ST7: variants seen among roughly 807,000 people sequenced by gnomAD.
ST7 encodes suppression of tumorigenicity 7.
ST7 carries 28 observed loss-of-function variants against 78.7 expected under a neutral mutation model. The observed-to-expected ratio is 0.36, with a 90% confidence interval of 0.26 to 0.49. ST7 has a LOEUF of 0.49. Ranked by LOEUF, ST7 falls within the 20% of genes least tolerant of loss-of-function variation. ST7 has a pLI of 0.99. For synonymous variants in ST7, 247 were observed against 249.6 expected, an observed-to-expected ratio of 0.99 and a Z score of 0.10; for missense variants, 418 against 696.0, an observed-to-expected ratio of 0.60 and a Z score of 4.49.
intron 9 of ST7, among the ~76,000 whole-genome samples, chr7:117,151,460 C>G (rs1806240745): frequency 6.6e-6 from 1 of 152,174 alleles, no homozygotes. Flanking sequence ...TTAGGCTGAG[C>G]TGGAATAGCA....
rs922926075 is a variant in ST7, at chr7:117,222,117, A to G, written c.1638+55A>G. On this transcript the variant is annotated intron_variant, in intron 15 of 15. Coordinates refer to ENST00000323984, the MANE Select transcript of ST7 (RefSeq NM_001369598.1). ...GGAATGGATGGGGAAAGCCAAGGGC[A>G]TAAAAGCAGCGTGAGAGAAATGGGG... 14 of 1,549,418 alleles carry G rather than the reference A, an allele frequency of 9.0e-6. No individual in the cohort carries two copies. In the African/African-American group the frequency reaches 1.8e-4, roughly 20 times the overall value.
rs1324814354 is a variant in ST7, at chr7:117,143,487, G to A, written c.963+4955G>A. 2.0e-5 allele frequency among the ~76,000 whole-genome samples: 3 copies of A among 152,136 alleles called. 1 individual carries two copies. Among genetic ancestry groups the A allele is most frequent in the Non-Finnish European group, 4.4e-5 (3 of 68,016 alleles). ...TTGAAGTGTCCCCTGGCCAGTCCTG[G>A]GTGGCTACATTCAATCTCAGAGTTT... On this transcript the variant is annotated intron_variant, in intron 9 of 15. Coordinates refer to ENST00000323984, the MANE Select transcript of ST7 (RefSeq NM_001369598.1).
intron 12 of ST7, among the ~76,000 whole-genome samples, chr7:117,207,232 C>T (rs1338629414): frequency 6.6e-6 from 1 of 151,880 alleles, no homozygotes; most frequent in Non-Finnish European, 1.5e-5. Context: ...GCAACCTCTG[C>T]CTCCCAAGTT....
chr7:117,134,499 C>A (rs773572828), intron 7 of ST7, among the ~76,000 whole-genome samples: 6 of 152,030 alleles, frequency 3.9e-5, no homozygotes, highest in Admixed American at 1.3e-4. Flanking sequence ...TGCCTCTCCT[C>A]CTAAGAATAC....
At chr7:117,148,703 A>G (rs1806005345) in intron 9 of ST7, among the ~76,000 whole-genome samples, 1 of 152,198 alleles carries the variant, frequency 6.6e-6, no homozygotes. Context: ...TCACTATGTC[A>G]ATATCTATAA....
At chr7:117,030,539 C>T (rs1478645498) in intron 1 of ST7, among the ~76,000 whole-genome samples, 6 of 152,122 alleles carry the variant, frequency 3.9e-5, no homozygotes, top group African/African-American at 1.4e-4. Context: ...CATGAACAGA[C>T]ACTTTTCAAA....
intron 12 of ST7, among the ~76,000 whole-genome samples, chr7:117,196,257 G>A (rs1025299732): frequency 6.6e-6 from 1 of 152,184 alleles, no homozygotes; most frequent in African/African-American, 2.4e-5. Context: ...TCAAGATCCT[G>A]CTTTCACTTC....
chr7:117,153,463 G>A (rs2117170647), intron 9 of ST7, among the ~76,000 whole-genome samples: 1 of 152,074 alleles, frequency 6.6e-6, no homozygotes, highest in East Asian at 1.9e-4. Flanking sequence ...AGAAGAGGAG[G>A]GAGAAGTGCA....
chr7:117,106,005 T>TTTTG (rs1801927258), intron 2 of ST7, among the ~76,000 whole-genome samples: 1 of 151,782 alleles, frequency 6.6e-6, no homozygotes, highest in African/African-American at 2.4e-5. Flanking sequence ...TTTGTTTTTT[T>TTTTG]TTTTGAGACG....
chr7:117,228,115 C>T (rs1235651480), intron 15 of ST7, among the ~76,000 whole-genome samples: 1 of 152,194 alleles, frequency 6.6e-6, no homozygotes, highest in Non-Finnish European at 1.5e-5. Flanking sequence ...GCTCCTATTT[C>T]TTCCTTTACC....
chr7:117,080,215 C>T (rs1799671102), intron 1 of ST7, among the ~76,000 whole-genome samples: 1 of 151,826 alleles, frequency 6.6e-6, no homozygotes. Flanking sequence ...CTCCTGACCT[C>T]GTGATCCGCT....
At chr7:116,993,325 C>T (rs145085089) in intron 1 of ST7, among the ~76,000 whole-genome samples, 177 of 152,200 alleles carry the variant, frequency 1.2e-3, no homozygotes, top group Non-Finnish European at 1.9e-3. Flanking sequence ...AGAATCATGG[C>T]AGGAGGCAAA....
chr7:116,998,866 G>GAGGT (rs1202928412), intron 1 of ST7, among the ~76,000 whole-genome samples: 2 of 152,230 alleles, frequency 1.3e-5, no homozygotes, highest in Non-Finnish European at 2.9e-5. Context: ...CTCTGTAAGG[G>GAGGT]AGGTGACTGA....
chr7:117,037,425 T>C (rs1326152705), intron 1 of ST7, among the ~76,000 whole-genome samples: 1 of 152,152 alleles, frequency 6.6e-6, no homozygotes, highest in Non-Finnish European at 1.5e-5. Flanking sequence ...TCCAAAAAGG[T>C]TGGCCATGGC....
chr7:117,134,792 G>A (rs1384206795), intron 7 of ST7, among the ~76,000 whole-genome samples: 2 of 152,034 alleles, frequency 1.3e-5, no homozygotes, highest in Non-Finnish European at 2.9e-5. Context: ...GCTGCCATCT[G>A]TAGAAATTGG....
At chr7:116,981,497 A>G (rs114039931) in intron 1 of ST7, among the ~76,000 whole-genome samples, 104 of 152,330 alleles carry the variant, frequency 6.8e-4, no homozygotes, top group African/African-American at 2.4e-3. Context: ...CCTATCAGGT[A>G]GCAAATGATT....
chr7:117,093,640 G>C (rs749925171), intron 1 of ST7, among the ~76,000 whole-genome samples: 10 of 152,144 alleles, frequency 6.6e-5, no homozygotes, highest in Non-Finnish European at 1.5e-5. Flanking sequence ...GGCGGAGGTT[G>C]CAGTCAGCCA....
rs112040668 is a variant in ST7 at position 117,101,541 on chromosome 7, A to G, written c.234+1697A>G. On this transcript the variant is annotated intron_variant, in intron 2 of 15. Coordinates refer to ENST00000323984, the MANE Select transcript of ST7 (RefSeq NM_001369598.1). ...AACTTAGGAGCAACCAACCAACTTC[A>G]TTATATTCCTTGGTTCTCCACATAT... Among the ~76,000 whole-genome samples the G allele has an allele frequency of 2.8e-3, 422 of 152,324 alleles. 1 individual carries two copies. The highest frequency in any genetic ancestry group is 9.4e-3 in the African/African-American group (389 of 41,592).
At position 117,064,171 on chromosome 7, in the gene ST7, C is replaced by A. The variant is rs116722781; in HGVS notation, c.152-35591C>A. ...AAGATAAACATTAAAATTTATGGGACAATATACATGGGAAAAGTTTTTTTT... is the reference window on the plus strand; with the variant it reads ...AAGATAAACATTAAAATTTATGGGAAAATATACATGGGAAAAGTTTTTTTT... On this transcript the variant is annotated intron_variant, in intron 1 of 15. Transcript: ENST00000323984. Among the ~76,000 whole-genome samples, 1,464 of 149,948 alleles carry A rather than the reference C, an allele frequency of 9.8e-3. 35 individuals carry two copies. The highest frequency in any genetic ancestry group is 0.034 in the African/African-American group (1,398 of 41,230).
Sources: allele counts gnomAD v4.1 joint callset (sites outside exome capture counted in the v4.1 genomes callset), GRCh38; gene constraint gnomAD v4.1.1; transcripts MANE v1.5; gene names NCBI Gene and HGNC (gene_info 2026-07-23, HGNC 2026-07-21).